CUL2: variants seen among roughly 807,000 people sequenced by gnomAD.
The protein encoded by CUL2 is cullin 2, also known as cullin-2.
In CUL2, 22 loss-of-function variants were observed where a neutral mutation model predicts 110.2. That is an observed-to-expected ratio of 0.20 (90% CI 0.14 to 0.28). The LOEUF (loss-of-function observed/expected upper bound fraction) is 0.28. Ranked by LOEUF, CUL2 falls within the 10% of genes least tolerant of loss-of-function variation. CUL2 has a pLI of 1.00. For synonymous variants in CUL2, 279 were observed against 293.2 expected (o/e 0.95, Z 0.49); for missense variants, 631 against 905.5 (o/e 0.70, Z 3.89).
chr10:35,115,337 G>A (rs946226782), intron 1 of CUL2, among the ~76,000 whole-genome samples: 4 of 151,632 alleles, frequency 2.6e-5, no homozygotes, highest in Non-Finnish European at 5.9e-5. Context: ...GGAGGCGGGC[G>A]GATAGCGAGG....
chr10:35,121,241 T>G (rs1009883702), intron 1 of CUL2, among the ~76,000 whole-genome samples: 1 of 152,198 alleles, frequency 6.6e-6, no homozygotes, highest in African/African-American at 2.4e-5. Context: ...TTTATTTTTT[T>G]GGGATGGAGT....
upstream of CUL2, among the ~76,000 whole-genome samples, chr10:35,091,725 A>AG (rs1441892986): frequency 3.3e-5 from 5 of 151,818 alleles, no homozygotes; most frequent in Admixed American, 2.0e-4. Flanking sequence ...GGTTCAAGTG[A>AG]TTCTCCTGTC....
intron 4 of CUL2, among the ~76,000 whole-genome samples, chr10:35,059,607 T>C (rs1406563852): frequency 6.6e-6 from 1 of 152,232 alleles, no homozygotes; most frequent in African/African-American, 2.4e-5. Context: ...CTTACTGCAA[T>C]ATTCCCTTTA....
At chr10:35,088,302 G>A (rs1286643779) in intron 1 of CUL2, among the ~76,000 whole-genome samples, 1 of 152,040 alleles carries the variant, frequency 6.6e-6, no homozygotes, top group Admixed American at 6.6e-5. Context: ...GAGGTCAAGA[G>A]ATCAAGACCA....
At chr10:35,106,171 A>G (rs573442505) in intron 1 of CUL2, among the ~76,000 whole-genome samples, 102 of 152,330 alleles carry the variant, frequency 6.7e-4, no homozygotes, top group Non-Finnish European at 1.1e-3. Context: ...AAGAGTTCCC[A>G]GAGAGCTCCC....
At chr10:35,047,433 AC>A (rs1564720393) in intron 6 of CUL2, among the ~76,000 whole-genome samples, 1 of 150,756 alleles carries the variant, frequency 6.6e-6, no homozygotes, top group Non-Finnish European at 1.5e-5. Context: ...AAACGGTGAA[AC>A]CCCGTCTCCA....
chr10:35,116,936 G>A (rs180991829), intron 1 of CUL2, among the ~76,000 whole-genome samples: 19 of 148,212 alleles, frequency 1.3e-4, no homozygotes, highest in Admixed American at 1.0e-3. Flanking sequence ...CAGCCTGGGC[G>A]ACAGGGTGAG....
chr10:35,062,413 A>C (rs1317104801), intron 3 of CUL2, among the ~76,000 whole-genome samples: 1 of 152,202 alleles, frequency 6.6e-6, no homozygotes, highest in Non-Finnish European at 1.5e-5. Context: ...CTGTATAAAC[A>C]CTATCCAGAG....
chr10:35,041,421 G>A (rs569976879), intron 8 of CUL2, among the ~76,000 whole-genome samples: 2 of 152,298 alleles, frequency 1.3e-5, no homozygotes, highest in South Asian at 4.1e-4. Flanking sequence ...GAGGAACGCA[G>A]CAAGGAGGCA....
chr10:35,042,649 G>A (rs191506086), intron 8 of CUL2, among the ~76,000 whole-genome samples: 36 of 152,134 alleles, frequency 2.4e-4, no homozygotes, highest in African/African-American at 8.7e-4. Context: ...GGTTCCACAG[G>A]GATAGAAGCT....
At chr10:35,095,591 C>T (rs975475001), upstream of CUL2, among the ~76,000 whole-genome samples, 20 of 152,082 alleles carry the variant, frequency 1.3e-4, no homozygotes, top group African/African-American at 4.6e-4. Flanking sequence ...CAGAGTCTCC[C>T]TCCGTTGCCC....
At chr10:35,084,671 G>T (rs1012074133) in intron 1 of CUL2, among the ~76,000 whole-genome samples, 1 of 152,184 alleles carries the variant, frequency 6.6e-6, no homozygotes, top group Non-Finnish European at 1.5e-5. Flanking sequence ...TACTGAGAGA[G>T]GGTTCAGTCA....
chr10:35,016,572 T>A (rs982747556), intron 17 of CUL2, among the ~76,000 whole-genome samples, 178 bp from the exon 18 acceptor site: 1 of 152,210 alleles, frequency 6.6e-6, no homozygotes, highest in African/African-American at 2.4e-5. Context: ...GATGGAAGTC[T>A]ATTAGTTTTG....
chr10:35,091,750 A>C (rs1000097402), upstream of CUL2, among the ~76,000 whole-genome samples: 3 of 151,928 alleles, frequency 2.0e-5, no homozygotes, highest in African/African-American at 7.3e-5. Context: ...CTTCCCGAGT[A>C]GCTGGTATTA....
chr10:35,010,178 G>A lies in CUL2; in HGVS notation c.*133C>T, dbSNP rs1039109728. 1 of 779,044 alleles carries A rather than the reference G, an allele frequency of 1.3e-6. No individual in the cohort carries two copies. The highest frequency in any genetic ancestry group is 1.8e-6 in the Non-Finnish European group (1 of 545,682). 48.3% of individuals were successfully genotyped at this position (779,044 alleles called of 1,614,324 possible). ...TTGACGCTCATGACGTGGCACTGGT[G>A]ATGTTGTAAACAGCAGAAAACAGGG... is the stretch of plus-strand genomic sequence containing the variant. On this transcript the variant is annotated 3_prime_UTR_variant, in exon 21 of 21. Transcript: ENST00000374749.
At chr10:35,017,162 T>C (rs1229742662) in intron 17 of CUL2, among the ~76,000 whole-genome samples, 2 of 152,062 alleles carry the variant, frequency 1.3e-5, no homozygotes, top group African/African-American at 2.4e-5. Context: ...GAAAATGCTT[T>C]TGAGGCCCTG....
intron 19 of CUL2, among the ~76,000 whole-genome samples, chr10:35,012,344 G>A (rs1588941301): frequency 6.6e-6 from 1 of 152,118 alleles, no homozygotes; most frequent in African/African-American, 2.4e-5. Flanking sequence ...AAGGTAAAGA[G>A]GCAATAAAGG....
chr10:35,107,527 T>C (rs2087474608), intron 1 of CUL2, among the ~76,000 whole-genome samples: 1 of 152,142 alleles, frequency 6.6e-6, no homozygotes, highest in African/African-American at 2.4e-5. Context: ...GTATCTTTAA[T>C]GTCATGTGAA....
chr10:35,025,675 ATAT>A (rs2085320721), intron 16 of CUL2, among the ~76,000 whole-genome samples: 1 of 152,224 alleles, frequency 6.6e-6, no homozygotes, highest in South Asian at 2.1e-4. Flanking sequence ...TCTTTTGCTG[ATAT>A]TATTGTGAAC....
Sources: allele counts gnomAD v4.1 joint callset (sites outside exome capture counted in the v4.1 genomes callset), GRCh38; gene constraint gnomAD v4.1.1; transcripts MANE v1.5; gene names NCBI Gene and HGNC (gene_info 2026-07-23, HGNC 2026-07-21).